The following PRDM2 variants were observed in gnomAD, a reference collection of about 807,000 sequenced individuals.
PRDM2 encodes PR domain zinc finger protein 2.
PRDM2 carries 30 observed loss-of-function variants against 130.0 expected under a neutral mutation model. The ratio of observed to expected loss-of-function variants is 0.23; its 90% CI spans 0.17 to 0.31. PRDM2 has a LOEUF of 0.31. PRDM2 is among the 10% of genes least tolerant of loss of function. The pLI is 1.00. For synonymous variants in PRDM2, 871 were observed against 782.4 expected, an observed-to-expected ratio of 1.11 and a Z score of -1.89; for missense variants, 2,011 against 2,108.4, an observed-to-expected ratio of 0.95 and a Z score of 0.90.
chr1:13,808,118 T>G (rs1421242299), intron 8 of PRDM2, among the ~76,000 whole-genome samples: 1 of 152,178 alleles, frequency 6.6e-6, no homozygotes, highest in African/African-American at 2.4e-5. Context: ...CTCCCAACCC[T>G]GCTACTATGT....
At chr1:13,794,574 G>A (rs764487372) in intron 8 of PRDM2, among the ~76,000 whole-genome samples, 4 of 152,156 alleles carry the variant, frequency 2.6e-5, no homozygotes, top group South Asian at 2.1e-4. Flanking sequence ...CTCCGAGCCC[G>A]TTTTCCTTTC....
intron 6 of PRDM2, among the ~76,000 whole-genome samples, chr1:13,767,650 G>C (rs570363641): frequency 9.2e-5 from 14 of 152,026 alleles, no homozygotes; most frequent in Admixed American, 2.6e-4. Flanking sequence ...CTTGAAACCA[G>C]TGAAATAATG....
At chr1:13,718,954 A>G (rs1283904141) in intron 2 of PRDM2, among the ~76,000 whole-genome samples, 3 of 152,040 alleles carry the variant, frequency 2.0e-5, no homozygotes, top group Non-Finnish European at 4.4e-5. Context: ...TCCTTCCCTC[A>G]TTCATCGTGG....
rs753734539 is a variant in PRDM2, at chr1:13,779,527, A to G, written c.1732A>G (p.Asn578Asp). The change falls in exon 8 of 10, where the codon AAC becomes GAC. Residue 578 changes from asparagine (N) to aspartate (D), a missense_variant. Transcript: ENST00000311066. The surrounding 1 kb of genome is among the most constrained non-coding windows in gnomAD (Gnocchi z 4.9). ...YYIDGKIQTNNNTSNCDVIEM... is the reference protein window; with the variant it reads ...YYIDGKIQTNDNTSNCDVIEM... ...TATTGATGGTAAAATTCAAACTAAT[A>G]ACAACACTAGTAACTGTGATGTGAT... 5 of 1,613,618 alleles carry G rather than the reference A, an allele frequency of 3.1e-6. No homozygotes were observed. The highest frequency in any genetic ancestry group is 2.5e-6 in the Non-Finnish European group (3 of 1,179,718).
At chr1:13,720,707 T>C (rs1005167908) in intron 2 of PRDM2, among the ~76,000 whole-genome samples, 1 of 152,252 alleles carries the variant, frequency 6.6e-6, no homozygotes, top group African/African-American at 2.4e-5. Context: ...CATTTACTAT[T>C]GATTGCAACC....
At chr1:13,757,435 G>A (rs1426265369) in intron 6 of PRDM2, among the ~76,000 whole-genome samples, 1 of 152,208 alleles carries the variant, frequency 6.6e-6, no homozygotes, top group African/African-American at 2.4e-5. Context: ...AGAGGATCGA[G>A]TTTAGGATTA....
intron 5 of PRDM2, among the ~76,000 whole-genome samples, chr1:13,742,729 C>T (rs1372158345): frequency 6.6e-6 from 1 of 152,210 alleles, no homozygotes; most frequent in Non-Finnish European, 1.5e-5. Flanking sequence ...TGCTTCCCTT[C>T]TCCTATGACA....
intron 8 of PRDM2, among the ~76,000 whole-genome samples, chr1:13,800,230 A>T (rs1354569592): frequency 1.3e-5 from 2 of 152,266 alleles, no homozygotes; most frequent in African/African-American, 4.8e-5. Flanking sequence ...GTAAGTAAAT[A>T]GATGGCATGT....
At chr1:13,765,309 T>C (rs1201449474) in intron 6 of PRDM2, among the ~76,000 whole-genome samples, 1 of 152,242 alleles carries the variant, frequency 6.6e-6, no homozygotes, top group African/African-American at 2.4e-5. Flanking sequence ...TAATTCCTTA[T>C]GGAAAACTTA....
chr1:13,782,309 G>A lies in PRDM2; in HGVS notation c.4514G>A (p.Ser1505Asn), dbSNP rs1207754071. The A allele has an allele frequency of 1.2e-6, 2 of 1,613,916 alleles. No homozygotes were observed. The highest frequency in any genetic ancestry group is 1.7e-6 in the Non-Finnish European group (2 of 1,180,032). Reference sequence around the variant, plus strand: ...GGTGGACACTCATCACCTGCAAGTAGTGACAAAAACAGTAACAGCAACCAC... The same window carrying A: ...GGTGGACACTCATCACCTGCAAGTAATGACAAAAACAGTAACAGCAACCAC... ...KKGGHSSPAS[S>N]DKNSNSNHRR... Residue 1505 changes from serine to asparagine, a missense_variant, in exon 8 of 10, where the codon AGT becomes AAT. Physicochemically the swap from Ser to Asn is conservative, Grantham distance 46 (BLOSUM62 1). Transcript: ENST00000311066.
chr1:13,793,967 C>T (rs1036918697), intron 8 of PRDM2, among the ~76,000 whole-genome samples: 5 of 152,208 alleles, frequency 3.3e-5, no homozygotes, highest in African/African-American at 1.2e-4. Flanking sequence ...ATCCCTGGAG[C>T]CTTTCTCAGT....
intron 6 of PRDM2, among the ~76,000 whole-genome samples, chr1:13,762,822 C>A (rs776977361): frequency 2.1e-4 from 32 of 152,130 alleles, no homozygotes; most frequent in Non-Finnish European, 4.0e-4. Flanking sequence ...TTACATCCTC[C>A]CCTGCGATTA....
At chr1:13,721,733 C>T (rs1310400398) in intron 2 of PRDM2, among the ~76,000 whole-genome samples, 1 of 152,168 alleles carries the variant, frequency 6.6e-6, no homozygotes, top group Non-Finnish European at 1.5e-5. Context: ...AGAAGCCTTT[C>T]CTCTTATGTT....
intron 8 of PRDM2, among the ~76,000 whole-genome samples, chr1:13,799,804 G>A (rs1481794327): frequency 6.6e-6 from 1 of 152,176 alleles, no homozygotes; most frequent in Non-Finnish European, 1.5e-5. Context: ...CTAGCATAGA[G>A]CTATTTATGA....
Position 13,779,332 on chromosome 1 carries a change from A to G in PRDM2, c.1537A>G (p.Lys513Glu). The stretch of plus-strand genomic sequence containing the variant: ...AGTTCACGAACGTCATCTGATTCCC[A>G]AAGGTGTACGGCGAAAAGGAGGCCT... ...RRVHERHLIP[K>E]GVRRKGGLEE... The change falls in exon 8 of 10, where the codon AAA becomes GAA. Residue 513 changes from lysine (K) to glutamate (E), a missense_variant. Lys to Glu is a moderately conservative substitution (Grantham distance 56). Coordinates refer to ENST00000311066, the MANE Select transcript of PRDM2 (RefSeq NM_001393986.1). This position sits in a 1 kb window ranked among gnomAD's most constrained non-coding sequence, Gnocchi z 4.9. The G allele has an allele frequency of 6.2e-7, 1 of 1,614,186 alleles. No individual in the cohort carries two copies. Among genetic ancestry groups the G allele is most frequent in the South Asian group, 1.1e-5 (1 of 91,072 alleles).
intron 8 of PRDM2, among the ~76,000 whole-genome samples, chr1:13,804,349 C>T (rs1645055693): frequency 6.6e-6 from 1 of 152,150 alleles, no homozygotes; most frequent in African/African-American, 2.4e-5. Flanking sequence ...CTTCGGCCCC[C>T]TCATTTGGAG....
At chr1:13,739,701 C>T (rs1190657877) in intron 4 of PRDM2, among the ~76,000 whole-genome samples, 2 of 152,032 alleles carry the variant, frequency 1.3e-5, no homozygotes, top group East Asian at 3.9e-4. Flanking sequence ...TACAATTGTC[C>T]AATGATCTCA....
chr1:13,733,763 C>T lies in PRDM2; in HGVS notation c.231+881C>T, dbSNP rs1643182020. ...GATGAATTTAGTTCAAGTCAGTGCC[C>T]CCTGGAAGCCCCCCTGAGTTCTTAA... On this transcript the variant is annotated intron_variant, in intron 4 of 9. Transcript: ENST00000311066. Among the ~76,000 whole-genome samples, 7 of 152,204 alleles carry T rather than the reference C, an allele frequency of 4.6e-5. No homozygotes were observed. The South Asian group carries it at 1.4e-3, about 32-fold the overall frequency.
chr1:13,725,976 A>G (rs1642902693), intron 2 of PRDM2, among the ~76,000 whole-genome samples: 1 of 152,228 alleles, frequency 6.6e-6, no homozygotes, highest in South Asian at 2.1e-4. Flanking sequence ...ATAGTATTTG[A>G]GAATCCAGAC....
Sources: allele counts gnomAD v4.1 joint callset (sites outside exome capture counted in the v4.1 genomes callset), GRCh38; gene constraint gnomAD v4.1.1; non-coding constraint Gnocchi (gnomAD v3.1); transcripts MANE v1.5; gene names NCBI Gene and HGNC (gene_info 2026-07-23, HGNC 2026-07-21).